The following LIN7A variants were observed in gnomAD, a reference collection of about 807,000 sequenced individuals.
LIN7A encodes protein lin-7 homolog A.
In LIN7A, 25 loss-of-function variants were observed where a neutral mutation model predicts 29.8. The ratio of observed to expected loss-of-function variants is 0.84; its 90% CI spans 0.61 to 1.17. LIN7A has a LOEUF of 1.17. Among genes scored for constraint, LIN7A ranks in the 50% most tolerant of loss-of-function variants. The pLI, the probability that LIN7A is intolerant of heterozygous loss-of-function variation, is 0.00. For synonymous variants in LIN7A, 118 were observed against 107.5 expected, an observed-to-expected ratio of 1.10 and a Z score of -0.60; for missense variants, 239 against 287.0, an observed-to-expected ratio of 0.83 and a Z score of 1.21.
intron 1 of LIN7A, among the ~76,000 whole-genome samples, chr12:80,920,731 G>C (rs1877257991): frequency 6.6e-6 from 1 of 152,120 alleles, no homozygotes; most frequent in African/African-American, 2.4e-5. Context: ...ATTCTTTAAA[G>C]CTCTGAAAAT....
rs150588571 is a variant in LIN7A at position 80,848,451 on chromosome 12, G to A, written c.202-129C>T. ...TATTGCAAAATAACATAGGTCTGAT[G>A]TTTGGGAATGTACCTGATAGCACTC... On this transcript the variant is annotated intron_variant, in intron 2 of 5. Coordinates refer to ENST00000552864, the MANE Select transcript of LIN7A (RefSeq NM_004664.4). The A allele has an allele frequency of 3.7e-3, 2,432 of 649,878 alleles. 13 individuals carry two copies. Among genetic ancestry groups the A allele is most frequent in the Middle Eastern group, 0.01 (24 of 2,320 alleles). The allele number at this position is 649,878 out of a possible 1,614,324, so 40.3% of individuals were successfully genotyped here.
chr12:80,915,617 C>A (rs1367873157), intron 1 of LIN7A, among the ~76,000 whole-genome samples: 1 of 152,308 alleles, frequency 6.6e-6, no homozygotes, highest in South Asian at 2.1e-4. Context: ...CACATGGAAT[C>A]AACCTAGTTG....
At position 80,930,805 on chromosome 12, in the gene LIN7A, T is replaced by C. The variant is rs114621130; in HGVS notation, c.82+6836A>G. 2.5e-3 allele frequency among the ~76,000 whole-genome samples: 385 copies of C among 152,328 alleles called. 5 individuals carry two copies. Among genetic ancestry groups the C allele is most frequent in the African/African-American group, 8.9e-3 (371 of 41,572 alleles). ...CTAAGGTAGCCACTACTTTTCATTA[T>C]TTTAGGTTAGAAGGCTTTTGTTTTG... On this transcript the variant is annotated intron_variant, in intron 1 of 5. Transcript: ENST00000552864.
chr12:80,889,570 A>G (rs1875519228), intron 1 of LIN7A, among the ~76,000 whole-genome samples: 1 of 152,134 alleles, frequency 6.6e-6, no homozygotes, highest in Non-Finnish European at 1.5e-5. Context: ...GTCACTTCAT[A>G]CATTTTCTTT....
intron 1 of LIN7A, among the ~76,000 whole-genome samples, chr12:80,931,162 T>C (rs548689240): frequency 1.3e-5 from 2 of 152,348 alleles, no homozygotes; most frequent in African/African-American, 4.8e-5. Context: ...GCCTTAGTTG[T>C]GATCCCTGAA....
intron 1 of LIN7A, among the ~76,000 whole-genome samples, chr12:80,934,277 C>T (rs1346509920): frequency 1.3e-5 from 2 of 152,146 alleles, no homozygotes; most frequent in Non-Finnish European, 2.9e-5. Flanking sequence ...TAGGGTCTGG[C>T]TTATGATAGG....
At chr12:80,803,225 C>T (rs1016662592) in intron 5 of LIN7A, among the ~76,000 whole-genome samples, 4 of 152,120 alleles carry the variant, frequency 2.6e-5, no homozygotes, top group South Asian at 4.1e-4. Flanking sequence ...TGTTGTGGAG[C>T]GTTTCTTTCA....
Position 80,845,879 on chromosome 12 carries a change from G to T in LIN7A, c.334C>A (p.Pro112Thr), listed in dbSNP as rs1442412123. Residue 112 changes from proline to threonine, a missense_variant, in exon 4 of 6, where the codon CCA becomes ACA. Coordinates refer to ENST00000552864, the MANE Select transcript of LIN7A (RefSeq NM_004664.4). ...AAACCAAGGCCTTCATCAGTCTTTG[G>T]CAGTTCAACTACTCGAGGGTGGGAG... ...GHSHPRVVELPKTDEGLGFNV... is the reference protein window; with the variant it reads ...GHSHPRVVELTKTDEGLGFNV... 1 of 1,612,652 alleles carries T rather than the reference G, an allele frequency of 6.2e-7. No individual in the cohort carries two copies. The highest frequency in any genetic ancestry group is 1.1e-5 in the South Asian group (1 of 90,936).
At chr12:80,873,420 C>T (rs1442132496) in intron 2 of LIN7A, among the ~76,000 whole-genome samples, 1 of 151,636 alleles carries the variant, frequency 6.6e-6, no homozygotes, top group Non-Finnish European at 1.5e-5. Flanking sequence ...GTAGTTCTAA[C>T]TACTCAGGAG....
At chr12:80,891,534 G>A (rs892793834) in intron 1 of LIN7A, among the ~76,000 whole-genome samples, 6 of 152,116 alleles carry the variant, frequency 3.9e-5, no homozygotes, top group African/African-American at 4.8e-5. Flanking sequence ...ATTCATTTAT[G>A]CAGTAGTGCT....
intron 2 of LIN7A, among the ~76,000 whole-genome samples, chr12:80,854,743 C>T (rs1343636069): frequency 6.6e-6 from 1 of 151,966 alleles, no homozygotes; most frequent in Non-Finnish European, 1.5e-5. Flanking sequence ...AGAACTATTA[C>T]TGTCTAAATT....
chr12:80,860,126 T>G (rs1216576984), intron 2 of LIN7A, among the ~76,000 whole-genome samples: 2 of 152,188 alleles, frequency 1.3e-5, no homozygotes, highest in African/African-American at 4.8e-5. Flanking sequence ...GAACATCTCT[T>G]TATGATAAAT....
chr12:80,841,792 G>A (rs1872835913), intron 4 of LIN7A: 3 of 663,546 alleles, frequency 4.5e-6, no homozygotes, highest in Admixed American at 1.2e-4. Flanking sequence ...TAGTCCTTGA[G>A]TTCTCTCTTA....
At chr12:80,814,170 T>A (rs1871423182) in intron 4 of LIN7A, among the ~76,000 whole-genome samples, 1 of 152,218 alleles carries the variant, frequency 6.6e-6, no homozygotes, top group Non-Finnish European at 1.5e-5. Flanking sequence ...ACTAATATGT[T>A]TATTAAGCAT....
At chr12:80,854,429 G>T (rs1873490239) in intron 2 of LIN7A, among the ~76,000 whole-genome samples, 1 of 117,292 alleles carries the variant, frequency 8.5e-6, no homozygotes, top group Non-Finnish European at 1.6e-5. Context: ...ATTTAGAAAG[G>T]AACAACTACT....
At chr12:80,903,489 G>T (rs192176810) in intron 1 of LIN7A, among the ~76,000 whole-genome samples, 1 of 152,066 alleles carries the variant, frequency 6.6e-6, no homozygotes, top group East Asian at 1.9e-4. Flanking sequence ...TTCACTTAAT[G>T]GCCTCCAGTT....
chr12:80,831,680 T>C (rs1361563660), intron 4 of LIN7A, among the ~76,000 whole-genome samples: 1 of 152,188 alleles, frequency 6.6e-6, no homozygotes, highest in South Asian at 2.1e-4. Flanking sequence ...TGTGGTGTGA[T>C]AACCAACATC....
At position 80,796,858 on chromosome 12, in the gene LIN7A, T is replaced by A. The variant is rs1489108994; in HGVS notation, c.*869A>T. 3 of 152,292 alleles carry A rather than the reference T, an allele frequency of 2.0e-5. No individual in the cohort carries two copies. The East Asian group carries it at 5.8e-4, about 29-fold the overall frequency. 9.4% of individuals were successfully genotyped at this position (152,292 alleles called of 1,614,324 possible). On this transcript the variant is annotated 3_prime_UTR_variant, in exon 6 of 6. Transcript: ENST00000552864. ...TGAGAGTGGGTTTATGTATATAACA[T>A]ACGAGAATCTGTTCACAGGGCTAGG...
chr12:80,910,782 T>G (rs899031306), intron 1 of LIN7A, among the ~76,000 whole-genome samples: 3 of 152,216 alleles, frequency 2.0e-5, no homozygotes, highest in Admixed American at 2.0e-4. Context: ...GGATTTGAGA[T>G]GTTAAGATTG....
Sources: allele counts gnomAD v4.1 joint callset (sites outside exome capture counted in the v4.1 genomes callset), GRCh38; gene constraint gnomAD v4.1.1; transcripts MANE v1.5; gene names NCBI Gene and HGNC (gene_info 2026-07-23, HGNC 2026-07-21).